Variants in SLC2A9 observed in about 807,000 individuals in gnomAD.
The protein encoded by SLC2A9 is solute carrier family 2 member 9.
In SLC2A9, 39 loss-of-function variants were observed where a neutral mutation model predicts 50.6. The ratio of observed to expected loss-of-function variants is 0.77; its 90% CI spans 0.60 to 1.01. SLC2A9 has a LOEUF of 1.01. Ranked by LOEUF, SLC2A9 falls within the 50% of genes least tolerant of loss-of-function variation. The pLI, the probability that SLC2A9 is intolerant of heterozygous loss-of-function variation, is 0.00. For missense variants in SLC2A9, 686 were observed against 677.6 expected (o/e 1.01, Z -0.14); for synonymous variants, 324 against 276.9 (o/e 1.17, Z -1.69).
chr4:9,908,295 T>C lies in SLC2A9; in HGVS notation c.1053A>G (p.Ala351=), dbSNP rs1304039903. Residue 351 remains alanine, a synonymous_variant, in exon 8 of 12, where the codon GCA becomes GCG. Transcript: ENST00000264784. ...TACTCAAGGTGACGTATGGGATCTT[T>C]GCCGGAGGGATCCCAGCTTTTCCAA... ...SIFGKAGIPP[A]KIPYVTLSTG... is the part of the protein sequence containing the mutation. 6.2e-7 allele frequency: 1 copy of C among 1,614,122 alleles called. No individual in the cohort carries two copies.
chr4:10,010,113 C>T (rs1331650975), intron 2 of SLC2A9, among the ~76,000 whole-genome samples: 1 of 152,194 alleles, frequency 6.6e-6, no homozygotes, highest in Non-Finnish European at 1.5e-5. Flanking sequence ...GACATCAGCC[C>T]TACCTCCAGG....
At chr4:9,939,404 C>T (rs1402637862) in intron 6 of SLC2A9, among the ~76,000 whole-genome samples, 3 of 152,210 alleles carry the variant, frequency 2.0e-5, no homozygotes, top group African/African-American at 7.2e-5. Context: ...AGTTGACTAA[C>T]ACAGGGCCTC....
At chr4:10,010,930 C>T (rs1327415933) in intron 2 of SLC2A9, among the ~76,000 whole-genome samples, 1 of 152,198 alleles carries the variant, frequency 6.6e-6, no homozygotes, top group African/African-American at 2.4e-5. Context: ...AGTGGTCGTT[C>T]TGCCTAGGCT....
chr4:9,835,055 C>T (rs753856443), intron 10 of SLC2A9, 47 bp from the exon 11 acceptor site: 1 of 1,611,652 alleles, frequency 6.2e-7, no homozygotes, highest in South Asian at 1.1e-5. Context: ...CTGAGAAGGT[C>T]ATGCCTCCAG....
intron 10 of SLC2A9, among the ~76,000 whole-genome samples, chr4:9,860,028 C>T (rs754263133): frequency 2.0e-5 from 3 of 152,216 alleles, no homozygotes; most frequent in Non-Finnish European, 4.4e-5. Flanking sequence ...CCCCTTTCCA[C>T]AGCCTGGCTT....
intron 1 of SLC2A9, among the ~76,000 whole-genome samples, chr4:10,033,832 G>A (rs756266911): frequency 8.5e-5 from 13 of 152,190 alleles, no homozygotes; most frequent in Non-Finnish European, 1.8e-4. Flanking sequence ...AATCCAGGGC[G>A]AGGGCCACCC....
At chr4:9,808,682 C>T (rs1470721433) in intron 3 of SLC2A9, among the ~76,000 whole-genome samples, 1 of 152,170 alleles carries the variant, frequency 6.6e-6, no homozygotes, top group African/African-American at 2.4e-5. Context: ...TGCCCACATG[C>T]AGGATGATGC....
In SLC2A9 at chr4:9,980,682, G is replaced by A; in HGVS notation, c.591C>T (p.Ile197=). The change falls in exon 5 of 12, where the codon ATC becomes ATT. Residue 197 remains isoleucine (I), a synonymous_variant. Transcript: ENST00000264784. ...CAGTCACCTGCCCCAGAGAGCCACG[G>A]ATCTCCTTGGGTGAGATCTCACTAA... ...MYLSEISPKE[I]RGSLGQVTAI... 1 of 1,614,132 alleles carries A rather than the reference G, an allele frequency of 6.2e-7. No homozygotes were observed. Among genetic ancestry groups the A allele is most frequent in the African/African-American group, 1.3e-5 (1 of 75,032 alleles).
chr4:9,810,687 G>A (rs1429480660), intron 3 of SLC2A9, among the ~76,000 whole-genome samples: 1 of 152,186 alleles, frequency 6.6e-6, no homozygotes, highest in African/African-American at 2.4e-5. Context: ...AGCTGCTGAG[G>A]GATTATGGAA....
chr4:9,817,657 C>T (rs927366666), intron 3 of SLC2A9, among the ~76,000 whole-genome samples: 2 of 152,190 alleles, frequency 1.3e-5, no homozygotes, highest in Non-Finnish European at 2.9e-5. Context: ...CACTCCGAGT[C>T]CTTTTGCTAA....
At chr4:9,982,149 G>A (rs1173650786) in intron 4 of SLC2A9, among the ~76,000 whole-genome samples, 1 of 152,204 alleles carries the variant, frequency 6.6e-6, no homozygotes, top group Non-Finnish European at 1.5e-5. Flanking sequence ...CAAAGTGTTA[G>A]GATTACAGGC....
rs192169010 is a variant in SLC2A9 at position 9,874,503 on chromosome 4, G to A, written c.1291+13064C>T. ...AGCACCATGCCAGTTTTGGAACCGC[G>A]CAGAGGATGAGAATCAGGCCTCTGA... On this transcript the variant is annotated intron_variant, in intron 10 of 11. Coordinates refer to ENST00000264784, the MANE Select transcript of SLC2A9 (RefSeq NM_020041.3). 1.8e-4 allele frequency among the ~76,000 whole-genome samples: 28 copies of A among 152,314 alleles called. No individual in the cohort carries two copies. The East Asian group carries it at 4.2e-3, about 23-fold the overall frequency.
chr4:10,032,535 G>A (rs1189695965), intron 1 of SLC2A9, among the ~76,000 whole-genome samples: 1 of 152,128 alleles, frequency 6.6e-6, no homozygotes, highest in East Asian at 1.9e-4. Flanking sequence ...TGGGCTGTCA[G>A]GGTTGGGGAG....
chr4:9,832,606 A>G (rs1377181758), intron 11 of SLC2A9, among the ~76,000 whole-genome samples: 1 of 152,226 alleles, frequency 6.6e-6, no homozygotes, highest in Non-Finnish European at 1.5e-5. Flanking sequence ...TGTTTCGAAA[A>G]TGCCCACAGG....
At chr4:9,979,714 AC>A (rs1394074281) in intron 5 of SLC2A9, among the ~76,000 whole-genome samples, 1 of 151,266 alleles carries the variant, frequency 6.6e-6, no homozygotes, top group Non-Finnish European at 1.5e-5. Flanking sequence ...TGGCCATGTC[AC>A]CCTCCAGCTC....
At chr4:9,959,664 C>T (rs1165903856) in intron 5 of SLC2A9, among the ~76,000 whole-genome samples, 1 of 152,130 alleles carries the variant, frequency 6.6e-6, no homozygotes, top group Non-Finnish European at 1.5e-5. Context: ...CATTTGCTTG[C>T]ATTGTTTTGA....
intron 10 of SLC2A9, among the ~76,000 whole-genome samples, chr4:9,871,040 C>T (rs1030287544): frequency 6.6e-6 from 1 of 152,074 alleles, no homozygotes; most frequent in Non-Finnish European, 1.5e-5. Context: ...TCTTGGCCTC[C>T]CAAAGCATTA....
chr4:9,854,169 C>CA (rs953218375), intron 10 of SLC2A9, among the ~76,000 whole-genome samples: 1 of 151,794 alleles, frequency 6.6e-6, no homozygotes, highest in East Asian at 1.9e-4. Flanking sequence ...GACACACACA[C>CA]AAAAAATACA....
intron 5 of SLC2A9, among the ~76,000 whole-genome samples, chr4:9,959,025 T>A (rs1751794187): frequency 6.6e-6 from 1 of 152,082 alleles, no homozygotes; most frequent in Non-Finnish European, 1.5e-5. Flanking sequence ...AATATAAATG[T>A]TAACCAGTGA....
Sources: allele counts gnomAD v4.1 joint callset (sites outside exome capture counted in the v4.1 genomes callset), GRCh38; gene constraint gnomAD v4.1.1; transcripts MANE v1.5; gene names NCBI Gene and HGNC (gene_info 2026-07-23, HGNC 2026-07-21).